RYR2: variants seen among roughly 807,000 people sequenced by gnomAD.
RYR2 encodes ryanodine receptor 2.
RYR2 carries 227 observed loss-of-function variants against 601.1 expected under a neutral mutation model. That is an observed-to-expected ratio of 0.38 (90% CI 0.34 to 0.42). The LOEUF is 0.42. RYR2 is among the 10% of genes least tolerant of loss of function. RYR2 has a pLI of 1.00. For synonymous variants in RYR2, 2,223 were observed against 2,175.1 expected, an observed-to-expected ratio of 1.02 and a Z score of -0.61; for missense variants, 4,646 against 6,156.5, an observed-to-expected ratio of 0.75 and a Z score of 8.21.
intron 35 of RYR2, among the ~76,000 whole-genome samples, chr1:237,605,680 C>T (rs1346814694): frequency 6.6e-6 from 1 of 151,828 alleles, no homozygotes; most frequent in African/African-American, 2.4e-5. Flanking sequence ...ATCATCTCAG[C>T]CCAAAATCTC....
At chr1:237,270,103 G>A (rs758391139) in intron 1 of RYR2, among the ~76,000 whole-genome samples, 7 of 152,122 alleles carry the variant, frequency 4.6e-5, no homozygotes, top group African/African-American at 9.7e-5. Context: ...AATCTGTTCC[G>A]TTCTTGATGA....
chr1:237,539,773 GCAGCAAA>G (rs1239646517), intron 25 of RYR2, among the ~76,000 whole-genome samples: 1 of 152,150 alleles, frequency 6.6e-6, no homozygotes, highest in Non-Finnish European at 1.5e-5. Flanking sequence ...GTTGATAGGT[GCAGCAAA>G]CCACCATGGC....
In RYR2 at chr1:237,784,181, C is replaced by T. The variant is rs1247580708; in HGVS notation, c.12469C>T (p.Arg4157Ter). Residue 4157 changes from arginine (R) to a stop codon, truncating the protein, a stop_gained, in exon 90 of 105, where the codon CGA (arginine) becomes TGA (stop). Coordinates refer to ENST00000366574, the MANE Select transcript of RYR2 (RefSeq NM_001035.3). LOFTEE classifies it high-confidence loss of function. The surrounding 1 kb of genome is among the most constrained non-coding windows in gnomAD (Gnocchi z 7.1). The part of the protein sequence containing the change: ...RVYFEISESS[R>*]TQWEKPQVKE... ...CTATTTTGAAATCAGTGAGTCCAGC[C>T]GAACCCAGTGGGAGAAGCCCCAGGT... The T allele has an allele frequency of 6.2e-7, 1 of 1,613,976 alleles. No homozygotes were observed. The highest frequency in any genetic ancestry group is 8.5e-7 in the Non-Finnish European group (1 of 1,179,876).
At chr1:237,128,407 G>A (rs1473990073) in intron 1 of RYR2, among the ~76,000 whole-genome samples, 1 of 152,140 alleles carries the variant, frequency 6.6e-6, no homozygotes, top group Non-Finnish European at 1.5e-5. Flanking sequence ...GAGAGGGAGA[G>A]GGAGAGGGAC....
intron 2 of RYR2, among the ~76,000 whole-genome samples, chr1:237,278,278 A>G (rs1479983792): frequency 3.2e-5 from 3 of 93,438 alleles, no homozygotes; most frequent in Non-Finnish European, 5.9e-5. Context: ...TTTTGTAGAG[A>G]TAGGGTTTCA....
At chr1:237,102,614 G>A (rs886391402) in intron 1 of RYR2, among the ~76,000 whole-genome samples, 6 of 152,142 alleles carry the variant, frequency 3.9e-5, no homozygotes, top group African/African-American at 1.4e-4. Flanking sequence ...CCAGCACTTC[G>A]GGAGGCTGAG....
Position 237,654,104 on chromosome 1 carries a change from C to T in RYR2, c.7825-170C>T, listed in dbSNP as rs147043807. Among the ~76,000 whole-genome samples, 23 of 152,170 alleles carry T rather than the reference C, an allele frequency of 1.5e-4. No homozygotes were observed. In the South Asian group the frequency reaches 3.1e-3, roughly 21 times the overall value. ...AGTTGACCCTCAATATTAACCATCA[C>T]GTGTAGTATACACGGTGATAGTATT... On this transcript the variant is annotated intron_variant, in intron 51 of 104. Transcript: ENST00000366574.
At chr1:237,396,169 T>C (rs1212395226) in intron 10 of RYR2, among the ~76,000 whole-genome samples, 1 of 152,210 alleles carries the variant, frequency 6.6e-6, no homozygotes, top group East Asian at 1.9e-4. Flanking sequence ...GAAGGATTGT[T>C]ATCTGCCAGC....
At position 237,180,712 on chromosome 1, in the gene RYR2, A is replaced by T. The variant is rs941387100; in HGVS notation, c.49-89785A>T. On this transcript the variant is annotated intron_variant, in intron 1 of 104. Transcript: ENST00000366574. This position sits in a 1 kb window ranked among gnomAD's most constrained non-coding sequence, Gnocchi z 5.3. Reference sequence around the variant, plus strand: ...TATGTATATATAAGTATATATACACATATATACATATACATAGATATATGC... The same window carrying T: ...TATGTATATATAAGTATATATACACTTATATACATATACATAGATATATGC... Among the ~76,000 whole-genome samples the T allele has an allele frequency of 1.4e-5, 2 of 147,548 alleles. No individual in the cohort carries two copies. The highest frequency in any genetic ancestry group is 3.0e-5 in the Non-Finnish European group (2 of 67,036).
At chr1:237,594,897 T>TGTTTTTTGTTTTTTG (rs1559084064) in intron 33 of RYR2, among the ~76,000 whole-genome samples, 5 of 21,192 alleles carry the variant, frequency 2.4e-4, no homozygotes, top group African/African-American at 3.6e-4. Flanking sequence ...TTTTTTTTTT[T>TGTTTTTTGTTTTTTG]TTTTTTTTTT....
chr1:237,377,460 T>C (rs1701136812), intron 8 of RYR2, 25 bp downstream of exon 8: 8 of 1,477,136 alleles, frequency 5.4e-6, no homozygotes, highest in Non-Finnish European at 7.6e-6. Flanking sequence ...TAGGATCATG[T>C]ATCTGCTGAT....
At chr1:237,651,579 T>G in intron 51 of RYR2, 78 bp downstream of exon 51, 1 of 908,116 alleles carries the variant, frequency 1.1e-6, no homozygotes, top group Non-Finnish European at 1.7e-6. Flanking sequence ...TATACATTTC[T>G]TAGATACATC....
At chr1:237,220,474 G>A (rs1683688860) in intron 1 of RYR2, among the ~76,000 whole-genome samples, 1 of 152,204 alleles carries the variant, frequency 6.6e-6, no homozygotes. Context: ...CATGTTAGCA[G>A]CTTCTCTGAT....
intron 30 of RYR2, 48 bp downstream of exon 30, chr1:237,590,049 G>T (rs564202316): frequency 9.8e-6 from 15 of 1,531,764 alleles, no homozygotes; most frequent in Admixed American, 3.8e-5. Flanking sequence ...AGCAGGAAAA[G>T]AATATCTTTA....
intron 1 of RYR2, among the ~76,000 whole-genome samples, chr1:237,194,736 C>T (rs1325230651): frequency 6.6e-6 from 1 of 152,170 alleles, no homozygotes; most frequent in Admixed American, 6.5e-5. Context: ...AGCATCTTTG[C>T]TTCTCCTTGA....
At chr1:237,650,140 A>T (rs375207887) in intron 50 of RYR2, 43 bp downstream of exon 50, 1 of 1,528,630 alleles carries the variant, frequency 6.5e-7, no homozygotes. Flanking sequence ...TCTTTAAAAA[A>T]CAGAATTTAC....
intron 33 of RYR2, among the ~76,000 whole-genome samples, chr1:237,594,463 C>T (rs1194293373): frequency 1.3e-5 from 2 of 152,092 alleles, no homozygotes; most frequent in African/African-American, 4.8e-5. Flanking sequence ...ATGAAGAGCT[C>T]TTTACATAAG....
intron 16 of RYR2, among the ~76,000 whole-genome samples, chr1:237,467,712 G>T (rs1660238182): frequency 6.6e-6 from 1 of 152,182 alleles, no homozygotes; most frequent in African/African-American, 2.4e-5. Context: ...TTTTTGGAAA[G>T]AGGAAACATG....
Position 237,323,301 on chromosome 1 carries a change from G to A in RYR2, c.169-7577G>A, listed in dbSNP as rs144645490. On this transcript the variant is annotated intron_variant, in intron 2 of 104. Coordinates refer to ENST00000366574, the MANE Select transcript of RYR2 (RefSeq NM_001035.3). ...GCATATATGACTTTCAAGATACATA[G>A]TATCTTGAGGCTCAATTCATAGCAG... 3.4e-3 allele frequency among the ~76,000 whole-genome samples: 523 copies of A among 152,196 alleles called. 4 individuals are homozygous for A. Among genetic ancestry groups the A allele is most frequent in the African/African-American group, 0.012 (494 of 41,532 alleles).
Sources: gnomAD v4.1 joint callset for allele counts (sites outside exome capture counted in the v4.1 genomes callset) on GRCh38, gnomAD v4.1.1 for gene constraint, Gnocchi (gnomAD v3.1) non-coding constraint, MANE v1.5 for transcripts, NCBI Gene and HGNC (gene_info 2026-07-23, HGNC 2026-07-21) for gene names.